Variants in ITGAL observed in about 807,000 individuals in gnomAD.
ITGAL encodes integrin subunit alpha L, also known as integrin alpha-L.
In ITGAL, 68 loss-of-function variants were observed where a neutral mutation model predicts 138.4. The observed-to-expected ratio is 0.49, with a 90% confidence interval of 0.40 to 0.60. The LOEUF (loss-of-function observed/expected upper bound fraction) is 0.60. ITGAL is among the 20% of genes least tolerant of loss of function. ITGAL has a pLI of 0.00. For missense variants in ITGAL, 1,256 were observed against 1,478.6 expected, an observed-to-expected ratio of 0.85 and a Z score of 2.47; for synonymous variants, 561 against 584.3, an observed-to-expected ratio of 0.96 and a Z score of 0.57.
At chr16:30,517,941 A>C in intron 28 of ITGAL, 46 bp downstream of exon 28, 3 of 1,508,116 alleles carry the variant, frequency 2.0e-6, no homozygotes, top group African/African-American at 1.4e-5. Flanking sequence ...GGGGGCCCCA[A>C]TGCCTGGGGC....
Position 30,510,866 on chromosome 16 carries a change from C to A in ITGAL, c.2620-15C>A. ...ATGACCCTTCCATTTCCATTGCCCT[C>A]TCCTTTCCTGCCAGGTTGCTCTGCA... is the stretch of plus-strand genomic sequence containing the variant. On this transcript the variant is annotated splice_polypyrimidine_tract_variant and intron_variant, in intron 22 of 30. Transcript: ENST00000356798. The A allele has an allele frequency of 6.2e-7, 1 of 1,611,598 alleles. No homozygotes were observed. The highest frequency in any genetic ancestry group is 8.5e-7 in the Non-Finnish European group (1 of 1,177,814).
In ITGAL at chr16:30,496,193, G is replaced by A. The variant is rs561225020; in HGVS notation, c.1600G>A (p.Asp534Asn). ...CACTGCTCTGACAGACATCAACGGCGATGGGCTGGTAGACGTGGCTGTGGG... is the reference window on the plus strand; with the variant it reads ...CACTGCTCTGACAGACATCAACGGCAATGGGCTGGTAGACGTGGCTGTGGG... ...AITALTDING[D>N]GLVDVAVGAP... is the part of the protein sequence containing the mutation. Residue 534 changes from aspartate to asparagine, a missense_variant, in exon 14 of 31, where the codon GAT (aspartate) becomes AAT (asparagine). Coordinates refer to ENST00000356798, the MANE Select transcript of ITGAL (RefSeq NM_002209.3). The A allele has an allele frequency of 8.1e-6, 13 of 1,614,020 alleles. No homozygotes were observed. The East Asian group carries it at 1.3e-4, about 17-fold the overall frequency.
chr16:30,493,768 T>C (rs1489442487), intron 11 of ITGAL, among the ~76,000 whole-genome samples: 1 of 152,100 alleles, frequency 6.6e-6, no homozygotes, highest in East Asian at 1.9e-4. Flanking sequence ...GCTGGGCGCC[T>C]GTAATCCCAG....
At chr16:30,514,237 A>G (rs1431927818) in intron 25 of ITGAL, among the ~76,000 whole-genome samples, 1 of 151,974 alleles carries the variant, frequency 6.6e-6, no homozygotes, top group Non-Finnish European at 1.5e-5. Flanking sequence ...CAGCCTCCCA[A>G]GTAGCTGAGA....
chr16:30,478,978 A>G lies in ITGAL; in HGVS notation c.328-113A>G. The G allele has an allele frequency of 6.4e-6, 5 of 777,072 alleles. No individual in the cohort carries two copies. In the South Asian group the frequency reaches 7.8e-5, roughly 12 times the overall value. 48.1% of individuals were successfully genotyped at this position (777,072 alleles called of 1,614,324 possible). On this transcript the variant is annotated intron_variant, in intron 4 of 30. Transcript: ENST00000356798. The stretch of plus-strand genomic sequence containing the variant: ...TCCTTGCCTTGGTAACCAGTTGGAT[A>G]GAGGAAGTGAGAAAGAGGACAAGGA...
chr16:30,482,081 G>C (rs774899527), intron 7 of ITGAL, among the ~76,000 whole-genome samples: 6 of 151,878 alleles, frequency 4.0e-5, no homozygotes, highest in Non-Finnish European at 8.8e-5. Context: ...TTTTAGTAGA[G>C]ATAGGCTTTC....
chr16:30,519,821 A>G (rs1025531559), intron 29 of ITGAL, 36 bp from the exon 30 acceptor site: 1 of 1,404,516 alleles, frequency 7.1e-7, no homozygotes, highest in Non-Finnish European at 1.0e-6. Flanking sequence ...GGGGTGGAAA[A>G]GGCATTTTCC....
chr16:30,474,460 G>C, intron 2 of ITGAL, 162 bp downstream of exon 2: 1 of 607,188 alleles, frequency 1.6e-6, no homozygotes, highest in South Asian at 2.0e-5. Flanking sequence ...TCAGAGACAG[G>C]AGTGAGGGAT....
rs1262020524 is a variant in ITGAL, at chr16:30,474,296, C to T, written c.162C>T (p.Asn54=). The change falls in exon 2 of 31, where the codon AAC becomes AAT. Residue 54 remains asparagine (N), a splice_region_variant and synonymous_variant. Coordinates refer to ENST00000356798, the MANE Select transcript of ITGAL (RefSeq NM_002209.3). ...GATACCGCGTCCTGCAGGTCGGAAA[C>T]GGGTGAGCTGTGCCCCACAAGTCCT... is the stretch of plus-strand genomic sequence containing the variant. ...HFGYRVLQVG[N]GVIVGAPGEG... 7 of 1,599,916 alleles carry T rather than the reference C, an allele frequency of 4.4e-6. No homozygotes were observed. In the Admixed American group the frequency reaches 5.2e-5, roughly 12 times the overall value.
chr16:30,481,344 CT>C lies in ITGAL; in HGVS notation c.577-94del, dbSNP rs1439418137. On this transcript the variant is annotated intron_variant, in intron 6 of 30. Coordinates refer to ENST00000356798, the MANE Select transcript of ITGAL (RefSeq NM_002209.3). The stretch of plus-strand genomic sequence containing the variant: ...CTGGGCAACAAGAGCGAAACTCCAT[CT>C]AAAAAAAAAAAAAAAAAAAAAAGAA... The C allele has an allele frequency of 5.7e-5, 41 of 724,844 alleles. No homozygotes were observed. The African/African-American group carries it at 6.6e-4, about 12-fold the overall frequency. 44.9% of individuals were successfully genotyped at this position (724,844 alleles called of 1,614,324 possible). A position where few individuals can be genotyped will look rare whatever the true frequency, so the allele number is the denominator to read the frequency against.
intron 26 of ITGAL, 103 bp downstream of exon 26, chr16:30,517,189 C>A: frequency 1.3e-6 from 1 of 743,774 alleles, no homozygotes; most frequent in Non-Finnish European, 2.3e-6. Context: ...GGTGGCTCTG[C>A]CTCCCAAATC....
In ITGAL at chr16:30,481,521, T is replaced by C. The variant is rs1408299677; in HGVS notation, c.659T>C (p.Leu220Pro). 1.9e-6 allele frequency: 3 copies of C among 1,613,512 alleles called. No individual in the cohort carries two copies. Among genetic ancestry groups the C allele is most frequent in the Non-Finnish European group, 2.5e-6 (3 of 1,179,654 alleles). ...DYVKRKDPDALLKHVKHMLLL... is the reference protein window; with the variant it reads ...DYVKRKDPDAPLKHVKHMLLL... ...GTTAAACGGAAGGACCCTGATGCTC[T>C]GCTGAAGCATGTAAAGCACATGTTG... The change falls in exon 7 of 31, where the codon CTG becomes CCG. Residue 220 changes from leucine to proline, a missense_variant. Leu to Pro is a moderately conservative substitution (Grantham distance 98). Transcript: ENST00000356798.
intron 18 of ITGAL, 73 bp from the exon 19 acceptor site, chr16:30,505,171 A>G (rs2073917): frequency 0.67 from 936,019 of 1,403,510 alleles, 321,170 homozygotes; most frequent in South Asian, 0.92. Flanking sequence ...CTGCCCCTCC[A>G]GCTCTCCTTC....
intron 24 of ITGAL, among the ~76,000 whole-genome samples, chr16:30,511,843 C>T (rs77317356): frequency 2.0e-5 from 3 of 152,224 alleles, no homozygotes; most frequent in East Asian, 3.9e-4. Context: ...GAAAGCCAGA[C>T]TTAAGAAGCA....
chr16:30,519,744 T>C lies in ITGAL; in HGVS notation c.3229-113T>C, dbSNP rs532739722. On this transcript the variant is annotated intron_variant, in intron 29 of 30. Transcript: ENST00000356798. ...AGGGAGAGGGTCTGCAGCTGGAGAC[T>C]CCAGGCGGGTGATGCAGTCCGGATA... The C allele has an allele frequency of 2.4e-5, 18 of 741,622 alleles. No individual in the cohort carries two copies. In the African/African-American group the frequency reaches 2.9e-4, roughly 12 times the overall value. 45.9% of individuals were successfully genotyped at this position (741,622 alleles called of 1,614,324 possible).
At chr16:30,496,708 C>A in intron 15 of ITGAL, 142 bp downstream of exon 15, 1 of 702,024 alleles carries the variant, frequency 1.4e-6, no homozygotes, top group South Asian at 3.0e-5. Context: ...GTGGCATGAT[C>A]ATAACTCACT....
intron 15 of ITGAL, chr16:30,498,820 G>C (rs993234156): frequency 6.5e-5 from 24 of 370,346 alleles, no homozygotes; most frequent in Non-Finnish European, 9.4e-5. Flanking sequence ...AGGATTACTA[G>C]AGCCTGGGAG....
At chr16:30,478,125 G>C (rs112608450) in intron 4 of ITGAL, among the ~76,000 whole-genome samples, 58 of 151,890 alleles carry the variant, frequency 3.8e-4, no homozygotes, top group African/African-American at 1.4e-3. Context: ...CACAAGGTCA[G>C]GAGTTTGAGA....
chr16:30,496,270 G>T lies in ITGAL; in HGVS notation c.1677G>T (p.Gly559=), dbSNP rs755124187. 1.2e-6 allele frequency: 2 copies of T among 1,601,850 alleles called. No homozygotes were observed. The highest frequency in any genetic ancestry group is 2.2e-5 in the South Asian group (2 of 89,596). The change falls in exon 14 of 31, where the codon GGG becomes GGT. Residue 559 remains glycine, a synonymous_variant. Transcript: ENST00000356798. Reference sequence around the variant, plus strand: ...TGTACATCTTCAATGGGAGGCACGGGGGGCTTAGTCCCCAGCCAAGTCAGG... The same window carrying T: ...TGTACATCTTCAATGGGAGGCACGGTGGGCTTAGTCCCCAGCCAAGTCAGG... ...GAVYIFNGRH[G]GLSPQPSQRI...
Sources: allele counts gnomAD v4.1 joint callset (sites outside exome capture counted in the v4.1 genomes callset), GRCh38; gene constraint gnomAD v4.1.1; transcripts MANE v1.5; gene names NCBI Gene and HGNC (gene_info 2026-07-23, HGNC 2026-07-21).